The following SNX18 variants were observed in gnomAD, a reference collection of about 807,000 sequenced individuals.
SNX18 encodes the protein sorting nexin 18.
SNX18 carries 35 observed loss-of-function variants against 48.7 expected under a neutral mutation model. The observed-to-expected ratio is 0.72, with a 90% CI of 0.55 to 0.95. The LOEUF (loss-of-function observed/expected upper bound fraction) is 0.95. SNX18 is among the 40% of genes least tolerant of loss of function. The pLI, the probability that SNX18 is intolerant of heterozygous loss-of-function variation, is 0.00. For missense variants in SNX18, 824 were observed against 871.0 expected, an observed-to-expected ratio of 0.95 and a Z score of 0.68; for synonymous variants, 492 against 384.7, an observed-to-expected ratio of 1.28 and a Z score of -3.26.
At chr5:54,633,162 T>C in the SNX18 span, among the ~76,000 whole-genome samples, 1 of 152,064 alleles carries the variant, frequency 6.6e-6, no homozygotes, top group Non-Finnish European at 1.5e-5. Context: ...CTGGTGAACG[T>C]GAATCGGAGG....
Position 54,517,775 on chromosome 5 carries a change from T to G in SNX18, c.-178T>G. On this transcript the variant is annotated 5_prime_UTR_variant, in exon 1 of 2. Transcript: ENST00000381410. ...CAGCGCGGCAGTCGGCGCTGCGAAG[T>G]GGAGGCGCTGCGAGCGGAGCCGCGC... 1 of 464,512 alleles carries G rather than the reference T, an allele frequency of 2.2e-6. No individual in the cohort carries two copies. The highest frequency in any genetic ancestry group is 3.3e-6 in the Non-Finnish European group (1 of 302,564). 28.8% of individuals were successfully genotyped at this position (464,512 alleles called of 1,614,324 possible). A position where few individuals can be genotyped will look rare whatever the true frequency, so the allele number is the denominator to read the frequency against.
the SNX18 span, among the ~76,000 whole-genome samples, chr5:54,576,086 G>T: frequency 6.6e-6 from 1 of 152,044 alleles, no homozygotes; most frequent in Non-Finnish European, 1.5e-5. Context: ...TCGACCCAAG[G>T]ATCCCACAGG....
At chr5:54,598,382 T>C in the SNX18 span, among the ~76,000 whole-genome samples, 1 of 152,160 alleles carries the variant, frequency 6.6e-6, no homozygotes, top group Non-Finnish European at 1.5e-5. Flanking sequence ...CCCTAACTCA[T>C]TCTATGAGGC....
At chr5:54,603,596 CT>C in the SNX18 span, among the ~76,000 whole-genome samples, 3 of 152,024 alleles carry the variant, frequency 2.0e-5, no homozygotes, top group Admixed American at 6.6e-5. Flanking sequence ...TTCTTTCAGT[CT>C]TGGTTCTGGA....
At chr5:54,613,369 CAGA>C in the SNX18 span, among the ~76,000 whole-genome samples, 2 of 151,928 alleles carry the variant, frequency 1.3e-5, no homozygotes, top group African/African-American at 4.8e-5. Flanking sequence ...TGAAGGAAGG[CAGA>C]AGGTCAAGAG....
chr5:54,622,047 A>G, the SNX18 span, among the ~76,000 whole-genome samples: 28 of 152,248 alleles, frequency 1.8e-4, no homozygotes, highest in African/African-American at 5.8e-4. Flanking sequence ...AGCATTCTCA[A>G]AAGAATTCGA....
the SNX18 span, among the ~76,000 whole-genome samples, chr5:54,617,730 C>T: frequency 4.6e-5 from 7 of 151,838 alleles, no homozygotes; most frequent in South Asian, 8.4e-4. Flanking sequence ...CTCTCTTTTT[C>T]TTTTTTTTAA....
chr5:54,647,271 T>C, the SNX18 span, among the ~76,000 whole-genome samples: 1 of 152,232 alleles, frequency 6.6e-6, no homozygotes, highest in Non-Finnish European at 1.5e-5. Context: ...AAAGATCGTA[T>C]TGCCCTTACT....
chr5:54,638,008 A>C, the SNX18 span, among the ~76,000 whole-genome samples: 1 of 152,272 alleles, frequency 6.6e-6, no homozygotes, highest in Non-Finnish European at 1.5e-5. Flanking sequence ...AGAGAGAGAG[A>C]GAGAGAACAT....
the SNX18 span, among the ~76,000 whole-genome samples, chr5:54,555,364 C>T: frequency 1.3e-5 from 2 of 151,920 alleles, no homozygotes; most frequent in African/African-American, 4.8e-5. Flanking sequence ...CAGCATAGTA[C>T]CCGGCATACC....
rs558585820 is a variant in SNX18, at chr5:54,532,653, T to G, written c.1622-10526T>G. On this transcript the variant is annotated intron_variant, in intron 1 of 1. Coordinates refer to ENST00000381410, the MANE Select transcript of SNX18 (RefSeq NM_001102575.2). ...ACATTGCCACCATACCCAAAAACACTTCTCAAATAAAGACACTGTGTTTTC... is the reference window on the plus strand; with the variant it reads ...ACATTGCCACCATACCCAAAAACACGTCTCAAATAAAGACACTGTGTTTTC... Among the ~76,000 whole-genome samples, 72 of 152,300 alleles carry G rather than the reference T, an allele frequency of 4.7e-4. 2 individuals carry two copies. In the South Asian group the frequency reaches 0.014, roughly 29 times the overall value.
chr5:54,606,485 G>C, the SNX18 span, among the ~76,000 whole-genome samples: 2,228 of 152,262 alleles, frequency 0.015, 65 homozygotes, highest in African/African-American at 0.05. Flanking sequence ...TTGGATTGTT[G>C]AAGAGGACTT....
chr5:54,547,082 CAT>C (rs1326858413), downstream of SNX18, among the ~76,000 whole-genome samples: 1 of 152,220 alleles, frequency 6.6e-6, no homozygotes, highest in Non-Finnish European at 1.5e-5. Context: ...ATTTGTTTTA[CAT>C]ATATGTTTTT....
the SNX18 span, among the ~76,000 whole-genome samples, chr5:54,630,299 G>A: frequency 6.6e-6 from 1 of 152,216 alleles, no homozygotes; most frequent in African/African-American, 2.4e-5. Context: ...GGGTTTGGGA[G>A]AGAAATGGAG....
At chr5:54,554,651 T>TTTCA in the SNX18 span, among the ~76,000 whole-genome samples, 4 of 152,254 alleles carry the variant, frequency 2.6e-5, no homozygotes, top group Non-Finnish European at 5.9e-5. Context: ...TAGCACAATA[T>TTTCA]TTCATTGTAT....
chr5:54,596,986 C>T, the SNX18 span, among the ~76,000 whole-genome samples: 5 of 152,092 alleles, frequency 3.3e-5, no homozygotes, highest in Admixed American at 6.6e-5. Flanking sequence ...CAAAATCCAG[C>T]GGTGTGTTAT....
chr5:54,605,255 T>C, the SNX18 span, among the ~76,000 whole-genome samples: 1 of 152,200 alleles, frequency 6.6e-6, no homozygotes, highest in Non-Finnish European at 1.5e-5. Context: ...GGATTCATAG[T>C]GGTAACATTT....
chr5:54,637,329 TTATC>T, the SNX18 span, among the ~76,000 whole-genome samples: 1 of 152,256 alleles, frequency 6.6e-6, no homozygotes, highest in Non-Finnish European at 1.5e-5. Flanking sequence ...AAATAAAATA[TTATC>T]TTTCAACCTT....
chr5:54,607,946 A>G, the SNX18 span, among the ~76,000 whole-genome samples: 1 of 152,110 alleles, frequency 6.6e-6, no homozygotes. Flanking sequence ...CAAACAAACA[A>G]ACAAACAAAC....
Sources: gnomAD v4.1 joint callset for allele counts (sites outside exome capture counted in the v4.1 genomes callset) on GRCh38, gnomAD v4.1.1 for gene constraint, MANE v1.5 for transcripts, NCBI Gene and HGNC (gene_info 2026-07-23, HGNC 2026-07-21) for gene names.